The following PPA2 variants were observed in gnomAD, a reference collection of about 807,000 sequenced individuals.
The protein encoded by PPA2 is inorganic pyrophosphatase 2, mitochondrial.
A neutral mutation model predicts 49.5 loss-of-function variants in PPA2; 48 were observed. The observed-to-expected ratio is 0.97, with a 90% CI of 0.77 to 1.23. The LOEUF (loss-of-function observed/expected upper bound fraction) is 1.23. PPA2 is among the 50% of genes most tolerant of loss of function. The pLI, the probability that PPA2 is intolerant of heterozygous loss-of-function variation, is 0.00. For missense variants in PPA2, 429 were observed against 410.1 expected (o/e 1.05, Z -0.40); for synonymous variants, 131 against 139.9 (o/e 0.94, Z 0.45).
intron 6 of PPA2, among the ~76,000 whole-genome samples, chr4:105,425,375 CA>C (rs568927621): frequency 2.7e-5 from 4 of 149,974 alleles, no homozygotes; most frequent in South Asian, 2.1e-4. Flanking sequence ...AAATAGAAAA[CA>C]AAAAAAACCA....
In PPA2 at chr4:105,424,286, G is replaced by A; in HGVS notation, c.565C>T (p.Leu189Phe). 6.2e-7 allele frequency: 1 copy of A among 1,602,900 alleles called. No individual in the cohort carries two copies. The highest frequency in any genetic ancestry group is 8.5e-7 in the Non-Finnish European group (1 of 1,176,900). ...SCGEVIHVKI[L>F]GILALIDEGE... ...TCATCAATAAGAGCCAAAATTCCAA[G>A]GATCTTCACATGAATAACTTCTCCA... is the stretch of plus-strand genomic sequence containing the variant. The change falls in exon 7 of 12, where the codon CTT (leucine) becomes TTT (phenylalanine). Residue 189 changes from leucine to phenylalanine, a missense_variant. Transcript: ENST00000341695.
chr4:105,386,946 T>C (rs755585729), intron 9 of PPA2, among the ~76,000 whole-genome samples: 2 of 152,158 alleles, frequency 1.3e-5, no homozygotes, highest in Non-Finnish European at 2.9e-5. Flanking sequence ...TTCACCTTTA[T>C]TGAAGAAAAG....
intron 7 of PPA2, among the ~76,000 whole-genome samples, chr4:105,415,832 T>C: frequency 6.6e-6 from 1 of 152,248 alleles, no homozygotes. Flanking sequence ...GTATTATTTA[T>C]CTCTTTATTG....
intron 7 of PPA2, among the ~76,000 whole-genome samples, chr4:105,413,427 C>A (rs1287682428): frequency 6.6e-6 from 1 of 151,900 alleles, no homozygotes; most frequent in Admixed American, 6.6e-5. Context: ...ATGTAACAAA[C>A]CTGTACTTTG....
chr4:105,459,698 A>G (rs1323856935), intron 1 of PPA2, among the ~76,000 whole-genome samples: 1 of 152,270 alleles, frequency 6.6e-6, no homozygotes, highest in Non-Finnish European at 1.5e-5. Flanking sequence ...TGTTATACTC[A>G]TATAGTGGTC....
chr4:105,421,652 T>C (rs900714717), intron 7 of PPA2, among the ~76,000 whole-genome samples: 3 of 152,168 alleles, frequency 2.0e-5, no homozygotes, highest in Non-Finnish European at 4.4e-5. Flanking sequence ...TTCCTCGGTC[T>C]CTGTAAAGTA....
At chr4:105,399,895 C>G (rs1011189613) in intron 7 of PPA2, among the ~76,000 whole-genome samples, 1 of 152,138 alleles carries the variant, frequency 6.6e-6, no homozygotes, top group Non-Finnish European at 1.5e-5. Context: ...AAATTGCATA[C>G]CATTCTGAGT....
At chr4:105,419,452 T>C (rs1037393337) in intron 7 of PPA2, among the ~76,000 whole-genome samples, 1 of 152,210 alleles carries the variant, frequency 6.6e-6, no homozygotes, top group African/African-American at 2.4e-5. Context: ...CAATTTTGTA[T>C]CAAGGAATAC....
At chr4:105,452,586 G>A (rs1722718114) in intron 3 of PPA2, among the ~76,000 whole-genome samples, 1 of 152,188 alleles carries the variant, frequency 6.6e-6, no homozygotes, top group Admixed American at 6.5e-5. Context: ...AAGACAGATA[G>A]CAGGCAAAGG....
chr4:105,452,192 A>G (rs17035609), intron 3 of PPA2, among the ~76,000 whole-genome samples: 5,023 of 152,286 alleles, frequency 0.033, 275 homozygotes, highest in African/African-American at 0.11. Context: ...AATCCTGAAA[A>G]TTTCAAATAA....
chr4:105,424,606 G>A (rs948479656), intron 6 of PPA2, among the ~76,000 whole-genome samples: 5 of 152,082 alleles, frequency 3.3e-5, no homozygotes, highest in African/African-American at 1.2e-4. Flanking sequence ...GAAATCACTC[G>A]TTTCAGACAT....
chr4:105,395,853 T>G (rs2110390099), intron 9 of PPA2, among the ~76,000 whole-genome samples: 1 of 152,308 alleles, frequency 6.6e-6, no homozygotes, highest in South Asian at 2.1e-4. Context: ...AATGTTTATG[T>G]TACTGTTACT....
In PPA2 at chr4:105,382,185, A is replaced by G. The variant is rs573781389; in HGVS notation, c.939+4382T>C. 2.6e-5 allele frequency among the ~76,000 whole-genome samples: 4 copies of G among 152,112 alleles called. No homozygotes were observed. In the East Asian group the frequency reaches 7.7e-4, roughly 29 times the overall value. ...TTTATAAGTACTTTTAAATTTTCAA[A>G]CACATGAACTTGTGCTTTTTTCTTT... is the stretch of plus-strand genomic sequence containing the variant. On this transcript the variant is annotated intron_variant, in intron 10 of 11. Coordinates refer to ENST00000341695, the MANE Select transcript of PPA2 (RefSeq NM_176869.3).
chr4:105,406,421 A>G (rs1273348123), intron 7 of PPA2, among the ~76,000 whole-genome samples: 2 of 152,194 alleles, frequency 1.3e-5, no homozygotes, highest in Non-Finnish European at 2.9e-5. Context: ...TTTCCCAAAT[A>G]TGATGAAAAA....
intron 7 of PPA2, among the ~76,000 whole-genome samples, chr4:105,418,317 T>C (rs1723099615): frequency 6.6e-6 from 1 of 152,214 alleles, no homozygotes. Flanking sequence ...AGAAAGGAAA[T>C]CAAACACTAC....
intron 9 of PPA2, among the ~76,000 whole-genome samples, chr4:105,395,665 A>G (rs1734110327): frequency 6.6e-6 from 1 of 152,118 alleles, no homozygotes; most frequent in Non-Finnish European, 1.5e-5. Context: ...TTTTTTTAAA[A>G]GAACCCTAAA....
chr4:105,389,293 A>G (rs1733807549), intron 9 of PPA2, among the ~76,000 whole-genome samples: 1 of 152,114 alleles, frequency 6.6e-6, no homozygotes, highest in Non-Finnish European at 1.5e-5. Context: ...GACGCTGGAG[A>G]CACAATATTG....
chr4:105,432,821 G>A (rs1360799176), intron 6 of PPA2, among the ~76,000 whole-genome samples: 1 of 152,130 alleles, frequency 6.6e-6, no homozygotes, highest in Non-Finnish European at 1.5e-5. Flanking sequence ...CCAAAAGATT[G>A]GACACCCCTG....
At chr4:105,473,397 C>A in intron 1 of PPA2, 1 of 360,486 alleles carries the variant, frequency 2.8e-6, no homozygotes, top group South Asian at 2.1e-5. Flanking sequence ...AAAGAAGACG[C>A]GCTGGATTAG....
Sources: allele counts gnomAD v4.1 joint callset (sites outside exome capture counted in the v4.1 genomes callset), GRCh38; gene constraint gnomAD v4.1.1; transcripts MANE v1.5; gene names NCBI Gene and HGNC (gene_info 2026-07-23, HGNC 2026-07-21).